The following HDX variants were observed in gnomAD, a reference collection of about 807,000 sequenced individuals.
The protein encoded by HDX is highly divergent homeobox, also known as chromosome X open reading frame 43.
Under a neutral mutation model 45.2 loss-of-function variants are expected in HDX, and 19 were observed. The ratio of observed to expected loss-of-function variants is 0.42; its 90% CI spans 0.29 to 0.62. HDX has a LOEUF of 0.62. Among genes scored for constraint, HDX ranks in the 20% least tolerant of loss-of-function variants. The pLI is 0.20. For missense variants in HDX, 532 were observed against 493.9 expected, an observed-to-expected ratio of 1.08 and a Z score of -0.73; for synonymous variants, 188 against 172.8, an observed-to-expected ratio of 1.09 and a Z score of -0.69.
intron 4 of HDX, among the ~76,000 whole-genome samples, chrX:84,467,514 C>T (rs1428208803): frequency 9.2e-6 from 1 of 109,272 alleles, no homozygotes; most frequent in Non-Finnish European, 1.9e-5. Flanking sequence ...GTAGTCCCAG[C>T]TACTCGGGAG....
At chrX:84,404,450 T>C (rs2038772226) in intron 5 of HDX, among the ~76,000 whole-genome samples, 1 of 111,525 alleles carries the variant, frequency 9.0e-6, no homozygotes, top group African/African-American at 3.3e-5. Context: ...TGTCCAATAA[T>C]TGAATTAATT....
intron 5 of HDX, among the ~76,000 whole-genome samples, chrX:84,414,181 G>T (rs1349112946): frequency 2.7e-5 from 3 of 111,742 alleles, no homozygotes; most frequent in Non-Finnish European, 3.8e-5. Context: ...TTACAAACTT[G>T]ATTTGTCATA....
chrX:84,447,971 C>G (rs995726898), intron 4 of HDX, among the ~76,000 whole-genome samples: 6 of 111,570 alleles, frequency 5.4e-5, no homozygotes, highest in African/African-American at 1.6e-4. Flanking sequence ...ACTGCTATCC[C>G]CACCAAGCAT....
chrX:84,360,030 A>G (rs1309373275), intron 6 of HDX, among the ~76,000 whole-genome samples: 5 of 112,040 alleles, frequency 4.5e-5, no homozygotes, highest in Non-Finnish European at 7.5e-5. Context: ...CAATATACCC[A>G]TCTGACTAAG....
intron 5 of HDX, among the ~76,000 whole-genome samples, chrX:84,438,317 A>G (rs768528111): frequency 1.8e-5 from 2 of 111,801 alleles, no homozygotes; most frequent in South Asian, 7.5e-4. Flanking sequence ...AATCTTGGCC[A>G]ATACTGAAGT....
intron 5 of HDX, among the ~76,000 whole-genome samples, chrX:84,365,437 AGAGCCATATGGGG>A (rs1295551495): frequency 9.0e-6 from 1 of 111,321 alleles, no homozygotes; most frequent in Non-Finnish European, 1.9e-5. Context: ...TATGCCATGC[AGAGCCATATGGGG>A]CTACACTTAG....
At chrX:84,387,091 T>C (rs2038337139) in intron 5 of HDX, among the ~76,000 whole-genome samples, 1 of 112,000 alleles carries the variant, frequency 8.9e-6, no homozygotes, top group African/African-American at 3.2e-5. Context: ...AAGTTTGATG[T>C]TAACCCAGGA....
In HDX at chrX:84,423,286, A is replaced by G. The variant is rs150288948; in HGVS notation, c.1305+17246T>C. Among the ~76,000 whole-genome samples, 300 of 110,567 alleles carry G rather than the reference A, an allele frequency of 2.7e-3. 1 individual carries two copies. The highest frequency in any genetic ancestry group is 9.6e-3 in the African/African-American group (294 of 30,496). On this transcript the variant is annotated intron_variant, in intron 5 of 10. Transcript: ENST00000373177. ...CAGTGAAAAAACAAACAAACTAACT[A>G]ACAACAAAAACAAAAAACAAAAGAC...
chrX:84,338,842 A>G (rs2037023814), intron 7 of HDX, among the ~76,000 whole-genome samples: 1 of 110,649 alleles, frequency 9.0e-6, no homozygotes, highest in African/African-American at 3.3e-5. Context: ...TGTAAGAGTG[A>G]GTGAGTTCTC....
chrX:84,470,946 A>G (rs1390715362), intron 3 of HDX, among the ~76,000 whole-genome samples: 2 of 111,700 alleles, frequency 1.8e-5, no homozygotes, highest in African/African-American at 3.2e-5. Context: ...CTTGAGGCCA[A>G]CATTTTGAGA....
intron 9 of HDX, among the ~76,000 whole-genome samples, chrX:84,327,765 A>T: frequency 9.0e-6 from 1 of 111,346 alleles, no homozygotes; most frequent in African/African-American, 3.3e-5. Context: ...CACAAAAATT[A>T]TGGAACTTTA....
At chrX:84,371,799 T>A (rs2037902285) in intron 5 of HDX, among the ~76,000 whole-genome samples, 2 of 111,203 alleles carry the variant, frequency 1.8e-5, no homozygotes, top group Non-Finnish European at 3.8e-5. Context: ...TTAATGAAAT[T>A]AAATGTGGGG....
intron 4 of HDX, among the ~76,000 whole-genome samples, chrX:84,447,789 T>A (rs2039905475): frequency 9.0e-6 from 1 of 111,584 alleles, no homozygotes; most frequent in Non-Finnish European, 1.9e-5. Flanking sequence ...TTGGCTGTAA[T>A]CCTTCTGCCT....
intron 5 of HDX, among the ~76,000 whole-genome samples, chrX:84,374,582 T>C (rs750460124): frequency 2.5e-3 from 139 of 55,196 alleles, no homozygotes; most frequent in African/African-American, 0.014. Flanking sequence ...CCCTTGGAAA[T>C]AACGCCACAT....
intron 5 of HDX, among the ~76,000 whole-genome samples, chrX:84,367,622 C>G (rs1003555558): frequency 2.7e-5 from 3 of 112,195 alleles, no homozygotes; most frequent in African/African-American, 9.7e-5. Context: ...CAAGGATAGA[C>G]TGGATTAAGA....
At chrX:84,452,856 A>T (rs1271180434) in intron 4 of HDX, among the ~76,000 whole-genome samples, 1 of 112,035 alleles carries the variant, frequency 8.9e-6, no homozygotes, top group Non-Finnish European at 1.9e-5. Context: ...AGACTCAAAA[A>T]TATAAAACTA....
At chrX:84,482,265 G>C (rs2040700625) in intron 2 of HDX, among the ~76,000 whole-genome samples, 1 of 111,503 alleles carries the variant, frequency 9.0e-6, no homozygotes, top group Non-Finnish European at 1.9e-5. Context: ...TCTAGTTTTA[G>C]TTCTTTGAGA....
Position 84,402,545 on chromosome X carries a change from GA to G in HDX, c.1305+37986del, listed in dbSNP as rs1408529418. Among the ~76,000 whole-genome samples the G allele has an allele frequency of 3.6e-5, 4 of 111,514 alleles. No homozygotes were observed. In the East Asian group the frequency reaches 8.5e-4, roughly 24 times the overall value. Reference sequence around the variant, plus strand: ...ACAGTGTATAGTATTCCATTGTACTGATGTACCACTATTTGCTTGCCCATTT... The same window carrying G: ...ACAGTGTATAGTATTCCATTGTACTGTGTACCACTATTTGCTTGCCCATTT... On this transcript the variant is annotated intron_variant, in intron 5 of 10. Coordinates refer to ENST00000373177, the MANE Select transcript of HDX (RefSeq NM_001177479.2).
intron 6 of HDX, among the ~76,000 whole-genome samples, chrX:84,355,942 A>G (rs775975251): frequency 1.4e-4 from 15 of 110,848 alleles, no homozygotes; most frequent in African/African-American, 4.9e-4. Flanking sequence ...TACCTTTGCT[A>G]AATGAGTAAG....
Sources: gnomAD v4.1 joint callset for allele counts (sites outside exome capture counted in the v4.1 genomes callset) on GRCh38, gnomAD v4.1.1 for gene constraint, MANE v1.5 for transcripts, NCBI Gene and HGNC (gene_info 2026-07-23, HGNC 2026-07-21) for gene names.